GSE1: variants seen among roughly 807,000 people sequenced by gnomAD.
GSE1 encodes the protein Gse1 coiled-coil protein.
A neutral mutation model predicts 112.6 loss-of-function variants in GSE1; 32 were observed. The observed-to-expected ratio is 0.28, with a 90% CI of 0.21 to 0.38. The LOEUF is 0.38. Ranked by LOEUF, GSE1 falls within the 10% of genes least tolerant of loss-of-function variation. The pLI is 1.00. For synonymous variants in GSE1, 1,115 were observed against 735.6 expected (o/e 1.52, Z -8.35); for missense variants, 2,348 against 1,699.2 (o/e 1.38, Z -6.71).
intron 1 of GSE1, among the ~76,000 whole-genome samples, chr16:85,627,227 TGTGA>T (rs2151689225): frequency 6.6e-6 from 1 of 151,042 alleles, no homozygotes; most frequent in East Asian, 2.0e-4. Flanking sequence ...CTTTCCTGTC[TGTGA>T]AATGGTGGGA....
intron 2 of GSE1, among the ~76,000 whole-genome samples, chr16:85,525,427 A>G (rs898712389): frequency 6.6e-6 from 1 of 152,182 alleles, no homozygotes; most frequent in African/African-American, 2.4e-5. Flanking sequence ...GAAATCCAGG[A>G]TGCTGAGAAG....
chr16:85,574,284 G>C (rs1364471074), intron 1 of GSE1, among the ~76,000 whole-genome samples: 1 of 152,254 alleles, frequency 6.6e-6, no homozygotes, highest in Non-Finnish European at 1.5e-5. Context: ...TGAGAAGCCA[G>C]CCTGGGAAAA....
chr16:85,654,730 C>T (rs1361106666), intron 4 of GSE1, 64 bp from the exon 5 acceptor site: 6 of 978,620 alleles, frequency 6.1e-6, no homozygotes, highest in Admixed American at 1.9e-5. Context: ...GTTTAGCCGT[C>T]CCCCCATGCA....
chr16:85,313,571 A>G (rs1488226695), intron 1 of GSE1, among the ~76,000 whole-genome samples: 1 of 148,256 alleles, frequency 6.7e-6, no homozygotes, highest in Non-Finnish European at 1.5e-5. Context: ...CTTTGCTGTG[A>G]GAGGTTTTCC....
chr16:85,675,281 T>TAC lies in GSE1; in HGVS notation c.*2743_*2744dup, dbSNP rs2053621276. 6.6e-6 allele frequency: 1 copy of TAC among 152,292 alleles called. No homozygotes were observed. The highest frequency in any genetic ancestry group is 2.1e-4 in the South Asian group (1 of 4,828). The allele number at this position is 152,292 out of a possible 1,614,324, so 9.4% of individuals were successfully genotyped here. ...CGGTCCTTAGACCATCTTCCTACAT[T>TAC]ACCTGGAAGGGAGCTGCCATCTGTC... On this transcript the variant is annotated 3_prime_UTR_variant, in exon 16 of 16. Transcript: ENST00000253458.
intron 1 of GSE1, among the ~76,000 whole-genome samples, chr16:85,184,349 C>T (rs541359279): frequency 6.6e-6 from 1 of 152,336 alleles, no homozygotes; most frequent in South Asian, 2.1e-4. Flanking sequence ...CTGGCAAATT[C>T]TTGATCTTGT....
intron 1 of GSE1, among the ~76,000 whole-genome samples, chr16:85,300,795 C>CAG (rs138489661): frequency 0.033 from 4,955 of 152,286 alleles, 259 homozygotes; most frequent in African/African-American, 0.11. Context: ...GCAGGATTTA[C>CAG]AGTCAAGCCA....
At chr16:85,196,815 C>G (rs930934481) in intron 1 of GSE1, among the ~76,000 whole-genome samples, 1 of 151,952 alleles carries the variant, frequency 6.6e-6, no homozygotes, top group Non-Finnish European at 1.5e-5. Context: ...TTCATTCCCT[C>G]ATTCAGAAGC....
rs910518547 is a variant in GSE1, at chr16:85,675,175, A to G, written c.*2636A>G. ...AATCTCTTAAGTTTTTTGTTCAGCT[A>G]CTTCACACTGAGTACCTCAAATCTG... On this transcript the variant is annotated 3_prime_UTR_variant, in exon 16 of 16. Coordinates refer to ENST00000253458, the MANE Select transcript of GSE1 (RefSeq NM_014615.5). 1 of 152,170 alleles carries G rather than the reference A, an allele frequency of 6.6e-6. No individual in the cohort carries two copies. Among genetic ancestry groups the G allele is most frequent in the Non-Finnish European group, 1.5e-5 (1 of 68,022 alleles). The allele number at this position is 152,170 out of a possible 1,614,324, so 9.4% of individuals were successfully genotyped here. A position where few individuals can be genotyped will look rare whatever the true frequency, so the allele number is the denominator to read the frequency against.
At chr16:85,584,926 A>G (rs1445964758) in intron 1 of GSE1, among the ~76,000 whole-genome samples, 1 of 149,068 alleles carries the variant, frequency 6.7e-6, no homozygotes, top group Non-Finnish European at 1.5e-5. Context: ...CACAACCTCC[A>G]AGGAGGCAAA....
chr16:85,307,080 A>G (rs540537335), intron 1 of GSE1, among the ~76,000 whole-genome samples: 1 of 143,306 alleles, frequency 7.0e-6, no homozygotes, highest in East Asian at 2.3e-4. Context: ...GTTTGGGCAG[A>G]GGTTGTTCTG....
chr16:85,282,971 T>TGGGGCTGGAGTCACCTGCAGGC (rs2044898776), intron 1 of GSE1: 2 of 152,342 alleles, frequency 1.3e-5, no homozygotes, highest in African/African-American at 4.8e-5. Context: ...GGACATCAGC[T>TGGGGCTGGAGTCACCTGCAGGC]GGGGCTGGAG....
chr16:85,251,134 C>T (rs951005120), intron 1 of GSE1, among the ~76,000 whole-genome samples: 7 of 152,322 alleles, frequency 4.6e-5, no homozygotes, highest in East Asian at 1.9e-4. Context: ...CCTGTGGACG[C>T]GCGTCTCCAT....
At chr16:85,630,313 A>G (rs1360442438) in intron 1 of GSE1, among the ~76,000 whole-genome samples, 1 of 152,126 alleles carries the variant, frequency 6.6e-6, no homozygotes, top group Non-Finnish European at 1.5e-5. Flanking sequence ...ATTGGTCTCT[A>G]CCTCTTGAAA....
intron 1 of GSE1, among the ~76,000 whole-genome samples, chr16:85,199,780 G>A (rs1217806514): frequency 2.6e-4 from 40 of 152,120 alleles, no homozygotes; most frequent in Admixed American, 2.2e-3. Context: ...AGCAGGGAAC[G>A]GTTTTGAGCA....
chr16:85,238,505 C>G (rs1311934965), intron 1 of GSE1, among the ~76,000 whole-genome samples: 1 of 152,212 alleles, frequency 6.6e-6, no homozygotes, highest in Admixed American at 6.5e-5. Flanking sequence ...GCCCTGGCCT[C>G]GGCGTGTGTC....
At chr16:85,590,637 G>C (rs2046964093) in intron 1 of GSE1, among the ~76,000 whole-genome samples, 1 of 152,106 alleles carries the variant, frequency 6.6e-6, no homozygotes, top group African/African-American at 2.4e-5. Flanking sequence ...GCGTGGGCCT[G>C]TGTGTGAGCG....
chr16:85,670,047 C>T (rs1017305057), intron 14 of GSE1, among the ~76,000 whole-genome samples: 4 of 152,228 alleles, frequency 2.6e-5, no homozygotes, highest in African/African-American at 9.6e-5. Context: ...ATTGAATTTA[C>T]AGGCGTGGTT....
intron 2 of GSE1, among the ~76,000 whole-genome samples, chr16:85,543,249 T>C (rs950285064): frequency 5.3e-5 from 8 of 152,036 alleles, no homozygotes; most frequent in African/African-American, 1.9e-4. Flanking sequence ...GCCTTGCTTT[T>C]CCCAAATATA....
Sources: allele counts gnomAD v4.1 joint callset (sites outside exome capture counted in the v4.1 genomes callset), GRCh38; gene constraint gnomAD v4.1.1; transcripts MANE v1.5; gene names NCBI Gene and HGNC (gene_info 2026-07-23, HGNC 2026-07-21).